ERLEC1: variants seen among roughly 807,000 people sequenced by gnomAD.
ERLEC1 encodes the protein ER lectin.
In ERLEC1, 47 loss-of-function variants were observed where a neutral mutation model predicts 68.0. The observed-to-expected ratio is 0.69, with a 90% CI of 0.55 to 0.88. The LOEUF is 0.88. Ranked by LOEUF, ERLEC1 falls within the 40% of genes least tolerant of loss-of-function variation. ERLEC1 has a pLI of 0.00. For missense variants in ERLEC1, 567 were observed against 583.8 expected, an observed-to-expected ratio of 0.97 and a Z score of 0.30; for synonymous variants, 225 against 203.2, an observed-to-expected ratio of 1.11 and a Z score of -0.91.
At chr2:53,808,601 T>G in intron 9 of ERLEC1, 141 bp downstream of exon 9, 1 of 788,524 alleles carries the variant, frequency 1.3e-6, no homozygotes, top group Non-Finnish European at 2.0e-6. Context: ...CATTTTCTTT[T>G]TGCAGTCTCA....
At chr2:53,796,468 T>A (rs918222625) in intron 3 of ERLEC1, among the ~76,000 whole-genome samples, 13 of 152,096 alleles carry the variant, frequency 8.5e-5, no homozygotes, top group Non-Finnish European at 1.5e-5. Flanking sequence ...TTCTTTGCTT[T>A]TTTCTTTTTG....
chr2:53,816,783 A>G (rs1676920744), intron 13 of ERLEC1, among the ~76,000 whole-genome samples: 1 of 152,018 alleles, frequency 6.6e-6, no homozygotes, highest in African/African-American at 2.4e-5. Context: ...CTCTGTATTT[A>G]TCTTGCTTGG....
In ERLEC1 at chr2:53,808,422, A is replaced by T. The variant is rs1280487603; in HGVS notation, c.1003A>T (p.Ile335Leu). Residue 335 changes from isoleucine (I) to leucine (L), a missense_variant, in exon 9 of 14, where the codon ATA becomes TTA. Transcript: ENST00000185150. ...ATCCAAATTGACAGATGACCAACTC[A>T]TAAAAGAGTTTCTTAGTGGTTCTTA... ...HISKLTDDQL[I>L]KEFLSGSYCF... 1.2e-6 allele frequency: 2 copies of T among 1,614,010 alleles called. No individual in the cohort carries two copies. Among genetic ancestry groups the T allele is most frequent in the Non-Finnish European group, 1.7e-6 (2 of 1,180,004 alleles).
At chr2:53,814,809 G>A in intron 12 of ERLEC1, 51 bp from the exon 13 acceptor site, 1 of 1,356,830 alleles carries the variant, frequency 7.4e-7, no homozygotes, top group Non-Finnish European at 1.0e-6. Context: ...TATTAACAGT[G>A]ATCTTACTTT....
In ERLEC1 at chr2:53,814,572, A is replaced by G; in HGVS notation, c.1256A>G (p.Asp419Gly). ...GTGTCACATTTTTATGGAAATGGAG[A>G]TATTTGTGATATAACTGACAAACCA... ...RMVSHFYGNG[D>G]ICDITDKPRQ... The change falls in exon 12 of 14, where the codon GAT (aspartate) becomes GGT (glycine). Residue 419 changes from aspartate to glycine, a missense_variant. By Grantham distance (94) the Asp-to-Gly change is moderately conservative. Transcript: ENST00000185150. 1 of 1,611,956 alleles carries G rather than the reference A, an allele frequency of 6.2e-7. No individual in the cohort carries two copies. The highest frequency in any genetic ancestry group is 8.5e-7 in the Non-Finnish European group (1 of 1,178,752).
intron 1 of ERLEC1, among the ~76,000 whole-genome samples, chr2:53,791,014 C>T (rs1367807934): frequency 1.3e-5 from 2 of 152,196 alleles, no homozygotes; most frequent in Admixed American, 6.5e-5. Flanking sequence ...ATATTTTACT[C>T]AGATTTTCCC....
chr2:53,801,924 G>A (rs1254201989), intron 8 of ERLEC1, 82 bp downstream of exon 8: 1 of 1,156,854 alleles, frequency 8.6e-7, no homozygotes, highest in Non-Finnish European at 1.3e-6. Context: ...AATGATTTCT[G>A]TAGTATAATG....
chr2:53,794,540 C>T (rs987865543), intron 2 of ERLEC1, 91 bp downstream of exon 2: 5 of 617,320 alleles, frequency 8.1e-6, no homozygotes, highest in African/African-American at 7.8e-5. Flanking sequence ...AATTGAATAA[C>T]AGATTTCTCA....
At chr2:53,789,275 T>C (rs1044029781) in intron 1 of ERLEC1, among the ~76,000 whole-genome samples, 2 of 150,560 alleles carry the variant, frequency 1.3e-5, no homozygotes, top group Admixed American at 1.3e-4. Flanking sequence ...ACACCAGTGC[T>C]CCCAGCTACT....
At chr2:53,812,030 G>C (rs1447408005) in intron 10 of ERLEC1, among the ~76,000 whole-genome samples, 1 of 152,102 alleles carries the variant, frequency 6.6e-6, no homozygotes, top group Non-Finnish European at 1.5e-5. Flanking sequence ...TGATTCTCCT[G>C]CCTCAGCCTC....
chr2:53,794,112 A>T (rs1478155468), intron 1 of ERLEC1, among the ~76,000 whole-genome samples: 1 of 152,212 alleles, frequency 6.6e-6, no homozygotes, highest in Non-Finnish European at 1.5e-5. Flanking sequence ...CAGGGATATT[A>T]GAAGCTCAGA....
chr2:53,813,612 G>A (rs1676705716), intron 11 of ERLEC1, among the ~76,000 whole-genome samples: 1 of 152,098 alleles, frequency 6.6e-6, no homozygotes, highest in Non-Finnish European at 1.5e-5. Context: ...CATTTCCCAA[G>A]AATAACTACG....
Position 53,787,347 on chromosome 2 carries a change from A to T in ERLEC1, c.137A>T (p.Asn46Ile), listed in dbSNP as rs138692151. Residue 46 changes from asparagine to isoleucine, a missense_variant, in exon 1 of 14, where the codon AAC (asparagine) becomes ATC (isoleucine). By Grantham distance (149) the Asn-to-Ile change is moderately radical. Coordinates refer to ENST00000185150, the MANE Select transcript of ERLEC1 (RefSeq NM_015701.5). ...AGCGATGACATCCCTTTCCGAGTCA[A>T]CTGGCCCGGCACCGAGTTCTCTCTG... Reference protein sequence around the residue: ...QLSDDIPFRVNWPGTEFSLPT... With the variant: ...QLSDDIPFRVIWPGTEFSLPT... The T allele has an allele frequency of 6.2e-7, 1 of 1,611,934 alleles. No individual in the cohort carries two copies. The highest frequency in any genetic ancestry group is 8.5e-7 in the Non-Finnish European group (1 of 1,179,780).
In ERLEC1 at chr2:53,814,894, G is replaced by A. The variant is rs1558608491; in HGVS notation, c.1339G>A (p.Val447Ile). The A allele has an allele frequency of 3.1e-6, 5 of 1,596,776 alleles. No homozygotes were observed. In the South Asian group the frequency reaches 3.3e-5, roughly 11 times the overall value. Reference protein sequence around the residue: ...KESDSPHAVTVYMLEPHSCQY... With the variant: ...KESDSPHAVTIYMLEPHSCQY... The stretch of plus-strand genomic sequence containing the variant: ...ATCAGATTCACCTCATGCTGTTACT[G>A]TATATATGCTAGAGCCTCACTCCTG... Residue 447 changes from valine (V) to isoleucine (I), a missense_variant, in exon 13 of 14, where the codon GTA (valine) becomes ATA (isoleucine). Physicochemically the swap from Val to Ile is conservative, Grantham distance 29. Transcript: ENST00000185150.
chr2:53,796,336 C>G, intron 3 of ERLEC1, among the ~76,000 whole-genome samples: 1 of 150,198 alleles, frequency 6.7e-6, no homozygotes, highest in Non-Finnish European at 1.5e-5. Context: ...CTCTTTGTGT[C>G]CATGTGTTCT....
chr2:53,814,343 T>C (rs747730436), intron 11 of ERLEC1, among the ~76,000 whole-genome samples, 200 bp from the exon 12 acceptor site: 33 of 152,226 alleles, frequency 2.2e-4, no homozygotes, highest in Admixed American at 2.6e-4. Flanking sequence ...GAAGTATCTC[T>C]TATATTCTCT....
chr2:53,791,197 AT>A (rs556122216), intron 1 of ERLEC1, among the ~76,000 whole-genome samples: 88 of 152,304 alleles, frequency 5.8e-4, no homozygotes, highest in African/African-American at 2.0e-3. Context: ...ATGCCAAGAT[AT>A]TTTTTAAGTT....
intron 1 of ERLEC1, chr2:53,788,501 C>CA (rs1370653357): frequency 6.6e-6 from 1 of 151,888 alleles, no homozygotes; most frequent in Non-Finnish European, 1.5e-5. Context: ...CTCCTGGGCT[C>CA]AAGAGATCTC....
At chr2:53,812,814 C>T in intron 10 of ERLEC1, 135 bp from the exon 11 acceptor site, 2 of 823,202 alleles carry the variant, frequency 2.4e-6, no homozygotes, top group South Asian at 4.3e-5. Flanking sequence ...TTGAATTTGA[C>T]TGACATCATT....
Sources: gnomAD v4.1 joint callset for allele counts (sites outside exome capture counted in the v4.1 genomes callset) on GRCh38, gnomAD v4.1.1 for gene constraint, MANE v1.5 for transcripts, NCBI Gene and HGNC (gene_info 2026-07-23, HGNC 2026-07-21) for gene names.